The following RAD9B variants were observed in gnomAD, a reference collection of about 807,000 sequenced individuals.
RAD9B encodes the protein RAD9 checkpoint clamp component B.
RAD9B carries 41 observed loss-of-function variants against 48.3 expected under a neutral mutation model. The ratio of observed to expected loss-of-function variants is 0.85; its 90% CI spans 0.66 to 1.10. The LOEUF (loss-of-function observed/expected upper bound fraction) is 1.10. Ranked by LOEUF, RAD9B falls within the 50% of genes least tolerant of loss-of-function variation. RAD9B has a pLI of 0.00. For missense variants in RAD9B, 444 were observed against 485.1 expected, an observed-to-expected ratio of 0.92 and a Z score of 0.80; for synonymous variants, 160 against 157.9, an observed-to-expected ratio of 1.01 and a Z score of -0.10.
At position 110,523,814 on chromosome 12, in the gene RAD9B, A is replaced by C. The variant is rs144519814; in HGVS notation, c.1125+1403A>C. 6.8e-3 allele frequency among the ~76,000 whole-genome samples: 1,043 copies of C among 152,308 alleles called. 1 individual carries two copies. Among genetic ancestry groups the C allele is most frequent in the Non-Finnish European group, 9.3e-3 (636 of 68,028 alleles). ...GCACCATTACAGCACTCTTTACTCC[A>C]AATTTCCTATTGTGTCACCAAATTC... On this transcript the variant is annotated intron_variant, in intron 10 of 10. Transcript: ENST00000409300.
At chr12:110,530,042 T>G (rs61582364) in intron 10 of RAD9B, among the ~76,000 whole-genome samples, 21,637 of 151,740 alleles carry the variant, frequency 0.14, 2,114 homozygotes, top group African/African-American at 0.28. Context: ...GAAAGGTTTG[T>G]TTTTTTTGTT....
chr12:110,507,176 C>T (rs980797843), intron 4 of RAD9B, among the ~76,000 whole-genome samples: 2 of 151,926 alleles, frequency 1.3e-5, no homozygotes, highest in Non-Finnish European at 2.9e-5. Flanking sequence ...GAAGTATTAT[C>T]TTACCTGTCA....
chr12:110,519,912 A>G lies in RAD9B; in HGVS notation c.886A>G (p.Lys296Glu). 2 of 1,611,696 alleles carry G rather than the reference A, an allele frequency of 1.2e-6. No individual in the cohort carries two copies. Among genetic ancestry groups the G allele is most frequent in the South Asian group, 1.1e-5 (1 of 90,290 alleles). The change falls in exon 9 of 11, where the codon AAA (lysine) becomes GAA (glutamate). Residue 296 changes from lysine to glutamate, a missense_variant. By Grantham distance (56) the Lys-to-Glu change is moderately conservative. Transcript: ENST00000409300. ...PQSLCLSQKR[K>E]RSDLIEKKAG... is the part of the protein sequence containing the mutation. ...GTCACTGTGTCTTTCACAGAAACGA[A>G]AAAGGTAAGACTGTGTTTTAACTTC...
At chr12:110,502,734 GT>G (rs78282443) in intron 1 of RAD9B, 65 of 181,632 alleles carry the variant, frequency 3.6e-4, no homozygotes, top group Admixed American at 1.1e-3. Context: ...CATTAACCTG[GT>G]TTTTTTTTTC....
In RAD9B at chr12:110,531,775, T is replaced by C. The variant is rs529177550; in HGVS notation, c.*1122T>C. 15 of 716,636 alleles carry C rather than the reference T, an allele frequency of 2.1e-5. No individual in the cohort carries two copies. The highest frequency in any genetic ancestry group is 1.6e-4 in the African/African-American group (9 of 55,918). 44.4% of individuals were successfully genotyped at this position (716,636 alleles called of 1,614,324 possible). On this transcript the variant is annotated 3_prime_UTR_variant, in exon 11 of 11. Transcript: ENST00000409300. ...AAAAATCTGGCACAAAACATTGTTA[T>C]GTAATGTCTTATGATGTGTGCCTCT... is the stretch of plus-strand genomic sequence containing the variant.
rs759527871 is a variant in RAD9B, at chr12:110,509,050, C to G, written c.388+2357C>G. ...TGCGATCTCAGCTCACTGCAAGCTC[C>G]GCCTCCTGGGTTCACGCCATTCTCC... On this transcript the variant is annotated intron_variant, in intron 4 of 10. Transcript: ENST00000409300. Among the ~76,000 whole-genome samples the G allele has an allele frequency of 4.6e-5, 7 of 152,010 alleles. No individual in the cohort carries two copies. The East Asian group carries it at 1.2e-3, about 25-fold the overall frequency.
In RAD9B at chr12:110,531,010, C is replaced by G; in HGVS notation, c.*357C>G. On this transcript the variant is annotated 3_prime_UTR_variant, in exon 11 of 11. Coordinates refer to ENST00000409300, the MANE Select transcript of RAD9B (RefSeq NM_001286535.2). ...ATTCAACAGCCATTTAGAGTGCCAT[C>G]AAGATGGCTTGAAATGGAATTTTGT... 2 of 1,011,860 alleles carry G rather than the reference C, an allele frequency of 2.0e-6. No homozygotes were observed. Among genetic ancestry groups the G allele is most frequent in the Non-Finnish European group, 2.4e-6 (2 of 847,466 alleles). 62.7% of individuals were successfully genotyped at this position (1,011,860 alleles called of 1,614,324 possible). A position where few individuals can be genotyped will look rare whatever the true frequency, so the allele number is the denominator to read the frequency against.
chr12:110,523,891 C>G (rs890421995), intron 10 of RAD9B, among the ~76,000 whole-genome samples: 1 of 152,196 alleles, frequency 6.6e-6, no homozygotes, highest in Non-Finnish European at 1.5e-5. Flanking sequence ...ATGTGGCAAA[C>G]TCCTGCAAAG....
intron 4 of RAD9B, among the ~76,000 whole-genome samples, chr12:110,510,354 A>G (rs1360319331): frequency 6.6e-6 from 1 of 152,188 alleles, no homozygotes; most frequent in Admixed American, 6.5e-5. Flanking sequence ...ATTGTCACCA[A>G]TTATCTGCAG....
chr12:110,510,020 G>C (rs1017833893), intron 4 of RAD9B, among the ~76,000 whole-genome samples: 1 of 152,112 alleles, frequency 6.6e-6, no homozygotes. Flanking sequence ...TCTCAAAACA[G>C]CAGTCACAGT....
At chr12:110,514,480 TTA>T (rs1484398461) in intron 5 of RAD9B, among the ~76,000 whole-genome samples, 2 of 152,164 alleles carry the variant, frequency 1.3e-5, no homozygotes, top group Non-Finnish European at 2.9e-5. Context: ...AATCTGTGAA[TTA>T]TGTCATATGG....
At chr12:110,521,712 C>T (rs941377089) in intron 9 of RAD9B, among the ~76,000 whole-genome samples, 3 of 151,888 alleles carry the variant, frequency 2.0e-5, no homozygotes, top group Non-Finnish European at 4.4e-5. Context: ...CCTGCCACCA[C>T]GCCCGGCTAA....
chr12:110,530,742 G>A lies in RAD9B; in HGVS notation c.*89G>A. 1 of 1,568,138 alleles carries A rather than the reference G, an allele frequency of 6.4e-7. No homozygotes were observed. The highest frequency in any genetic ancestry group is 8.6e-7 in the Non-Finnish European group (1 of 1,158,248). On this transcript the variant is annotated 3_prime_UTR_variant, in exon 11 of 11. Transcript: ENST00000409300. ...GTTTGCATGTTTAGTGTCTAAAAGA[G>A]GTTGTCCAGGACTTCCTTTTAATGG...
intron 10 of RAD9B, among the ~76,000 whole-genome samples, chr12:110,529,603 G>A (rs73191837): frequency 6.7e-6 from 1 of 150,362 alleles, no homozygotes; most frequent in Non-Finnish European, 1.5e-5. Context: ...AAAAAAAAAA[G>A]GCTGCGCATG....
intron 3 of RAD9B, 95 bp from the exon 4 acceptor site, chr12:110,506,484 G>T (rs968500861): frequency 4.7e-5 from 33 of 708,010 alleles, no homozygotes; most frequent in Non-Finnish European, 7.9e-5. Context: ...CACCGCGCCT[G>T]GCCAAGTCTG....
chr12:110,514,413 C>T (rs557323471), intron 5 of RAD9B, among the ~76,000 whole-genome samples: 1 of 152,038 alleles, frequency 6.6e-6, no homozygotes. Flanking sequence ...TCAGTAAGCA[C>T]CTGAAAAGAT....
In RAD9B at chr12:110,522,258, A is replaced by G; in HGVS notation, c.972A>G (p.Arg324=). Residue 324 remains arginine (R), a synonymous_variant, in exon 10 of 11, where the codon AGA becomes AGG. Coordinates refer to ENST00000409300, the MANE Select transcript of RAD9B (RefSeq NM_001286535.2). The part of the protein sequence containing the change: ...LECISKKAAP[R]RLYPKETLTN... The stretch of plus-strand genomic sequence containing the variant: ...GTATTTCAAAAAAAGCAGCACCAAG[A>G]AGGCTTTATCCTAAGGAGACTCTCA... The G allele has an allele frequency of 1.2e-6, 2 of 1,612,564 alleles. No homozygotes were observed. The highest frequency in any genetic ancestry group is 1.7e-6 in the Non-Finnish European group (2 of 1,179,330).
chr12:110,510,908 C>G (rs775989780), intron 4 of RAD9B, among the ~76,000 whole-genome samples: 2 of 151,110 alleles, frequency 1.3e-5, no homozygotes, highest in African/African-American at 2.4e-5. Context: ...GAGTTGAGAT[C>G]ACACCACAAC....
intron 9 of RAD9B, among the ~76,000 whole-genome samples, chr12:110,520,624 C>A (rs538960026): frequency 7.2e-4 from 34 of 47,054 alleles, no homozygotes; most frequent in African/African-American, 3.2e-3. Flanking sequence ...TGCTTTCTTG[C>A]TTTCTTTTTT....
Sources: allele counts gnomAD v4.1 joint callset (sites outside exome capture counted in the v4.1 genomes callset), GRCh38; gene constraint gnomAD v4.1.1; transcripts MANE v1.5; gene names NCBI Gene and HGNC (gene_info 2026-07-23, HGNC 2026-07-21).